ITGA5: variants seen among roughly 807,000 people sequenced by gnomAD.
ITGA5 encodes integrin alpha-5.
Under a neutral mutation model 146.3 loss-of-function variants are expected in ITGA5, and 55 were observed. That is an observed-to-expected ratio of 0.38 (90% CI 0.30 to 0.47). The LOEUF is 0.47. Ranked by LOEUF, ITGA5 falls within the 20% of genes least tolerant of loss-of-function variation. The pLI is 0.99. For missense variants in ITGA5, 1,131 were observed against 1,329.0 expected (o/e 0.85, Z 2.32); for synonymous variants, 500 against 531.8 (o/e 0.94, Z 0.82).
intron 27 of ITGA5, 117 bp downstream of exon 27, chr12:54,399,528 C>G: frequency 2.7e-6 from 2 of 727,644 alleles, no homozygotes; most frequent in Non-Finnish European, 4.9e-6. Flanking sequence ...GGAAGGGGAG[C>G]TGGAGTGCTG....
chr12:54,401,848 C>T lies in ITGA5; in HGVS notation c.2234G>A (p.Gly745Asp), dbSNP rs1453356459. The change falls in exon 22 of 30, where the codon GGT becomes GAT. Residue 745 changes from glycine (G) to aspartate (D), a missense_variant. By Grantham distance (94) the Gly-to-Asp change is moderately conservative. Coordinates refer to ENST00000293379, the MANE Select transcript of ITGA5 (RefSeq NM_002205.5). The surrounding 1 kb of genome is among the most constrained non-coding windows in gnomAD (Gnocchi z 5.0). ...ATGAGGGACTGTAAACCGAAGGCCA[C>T]CCCACAGCTGGGGACAGAAAAAGAG... ...NPMKAGASLW[G>D]GLRFTVPHLR... 1.2e-6 allele frequency: 2 copies of T among 1,614,040 alleles called. No homozygotes were observed. Among genetic ancestry groups the T allele is most frequent in the Non-Finnish European group, 1.7e-6 (2 of 1,179,918 alleles).
In ITGA5 at chr12:54,405,214, C is replaced by T; in HGVS notation, c.1177G>A (p.Gly393Ser). The change falls in exon 12 of 30, where the codon GGC (glycine) becomes AGC (serine). Residue 393 changes from glycine to serine, a missense_variant. By Grantham distance (56) the Gly-to-Ser change is moderately conservative. Around this residue, in one of 3 missense-constraint regions of ITGA5, gnomAD observed 889 missense variants for 1,021.5 expected, o/e 0.87. Transcript: ENST00000293379. ...LTGHDEFGRF[G>S]SSLTPLGDLD... ...TCCCCCAGGGGGGTCAAGGAGCTGC[C>T]AAATCGGCCAAACTCATCATGGCCA... 1 of 1,612,392 alleles carries T rather than the reference C, an allele frequency of 6.2e-7. No individual in the cohort carries two copies. Among genetic ancestry groups the T allele is most frequent in the Non-Finnish European group, 8.5e-7 (1 of 1,178,802 alleles).
chr12:54,403,247 C>A lies in ITGA5; in HGVS notation c.1854G>T (p.Val618=). 6.4e-7 allele frequency: 1 copy of A among 1,568,576 alleles called. No individual in the cohort carries two copies. The highest frequency in any genetic ancestry group is 8.6e-7 in the Non-Finnish European group (1 of 1,160,340). Reference sequence around the variant, plus strand: ...GGGCTGGCCTGAGGCCGTGGCTGTCCACTGGGGCTTGGGGGTCCAAGGAGA... The same window carrying A: ...GGGCTGGCCTGAGGCCGTGGCTGTCAACTGGGGCTTGGGGGTCCAAGGAGA... ...LNFSLDPQAP[V]DSHGLRPALH... is the part of the protein sequence containing the mutation. Residue 618 remains valine, a synonymous_variant, in exon 18 of 30, where the codon GTG becomes GTT. Coordinates refer to ENST00000293379, the MANE Select transcript of ITGA5 (RefSeq NM_002205.5). The surrounding 1 kb of genome is among the most constrained non-coding windows in gnomAD (Gnocchi z 4.9).
rs780879525 is a variant in ITGA5, at chr12:54,404,886, T to C, written c.1234A>G (p.Ile412Val). 42 of 1,574,358 alleles carry C rather than the reference T, an allele frequency of 2.7e-5. No homozygotes were observed. Among genetic ancestry groups the C allele is most frequent in the Non-Finnish European group, 3.5e-5 (41 of 1,163,600 alleles). The change falls in exon 13 of 30, where the codon ATC becomes GTC. Residue 412 changes from isoleucine to valine, a missense_variant. Coordinates refer to ENST00000293379, the MANE Select transcript of ITGA5 (RefSeq NM_002205.5). ...LDQDGYNDVA[I>V]GAPFGGETQQ... ...GTCTCCCCACCAAAGGGAGCCCCGATGGCCACATCTGGAAGACACAGAACA... is the reference window on the plus strand; with the variant it reads ...GTCTCCCCACCAAAGGGAGCCCCGACGGCCACATCTGGAAGACACAGAACA...
At chr12:54,418,370 CAG>C (rs1235816396) in intron 1 of ITGA5, among the ~76,000 whole-genome samples, 1 of 151,910 alleles carries the variant, frequency 6.6e-6, no homozygotes, top group Non-Finnish European at 1.5e-5. Context: ...GAGTAGGAGA[CAG>C]AGGAGAAAGG....
chr12:54,406,208 T>C, intron 9 of ITGA5: 1 of 508,882 alleles, frequency 2.0e-6, no homozygotes, highest in Non-Finnish European at 3.6e-6. Context: ...GTAAGATCAA[T>C]AGGGGCAGGA....
intron 6 of ITGA5, 106 bp downstream of exon 6, chr12:54,408,650 T>G: frequency 1.0e-6 from 1 of 1,002,932 alleles, no homozygotes; most frequent in African/African-American, 1.8e-5. Flanking sequence ...CGCTTGAACC[T>G]GGGCAGCAGA....
intron 6 of ITGA5, 57 bp downstream of exon 6, chr12:54,408,699 G>C (rs1332657502): frequency 6.7e-5 from 96 of 1,428,608 alleles, no homozygotes; most frequent in Non-Finnish European, 8.7e-5. Context: ...GACAGAGTGA[G>C]ACTTCGTCTC....
In ITGA5 at chr12:54,409,047, C is replaced by A. The variant is rs1217757250; in HGVS notation, c.584-93G>T. The stretch of plus-strand genomic sequence containing the variant: ...ATAGGGAAGGAGGTGGGAGAGAGAA[C>A]CAGAGAAAGGGCCTTCCTGGACCAG... On this transcript the variant is annotated intron_variant, in intron 4 of 29. Transcript: ENST00000293379. The surrounding 1 kb of genome is among the most constrained non-coding windows in gnomAD (Gnocchi z 4.7). 6.9e-7 allele frequency: 1 copy of A among 1,454,074 alleles called. No individual in the cohort carries two copies. Among genetic ancestry groups the A allele is most frequent in the African/African-American group, 1.4e-5 (1 of 71,852 alleles). The allele number at this position is 1,454,074 out of a possible 1,614,324, so 90.1% of individuals were successfully genotyped here.
intron 1 of ITGA5, 41 bp from the exon 2 acceptor site, chr12:54,412,005 G>C: frequency 1.3e-6 from 2 of 1,506,268 alleles, no homozygotes; most frequent in Non-Finnish European, 1.8e-6. Flanking sequence ...ATGGCTCCTA[G>C]CTTTTCATTG....
chr12:54,408,827 A>G, intron 5 of ITGA5, 26 bp from the exon 6 acceptor site: 1 of 1,613,934 alleles, frequency 6.2e-7, no homozygotes, highest in Non-Finnish European at 8.5e-7. Flanking sequence ...GGGGAGTCCA[A>G]CATCTGGTCC....
rs936061380 is a variant in ITGA5, at chr12:54,404,158, T to G, written c.1552A>C (p.Asn518His). The stretch of plus-strand genomic sequence containing the variant: ...GCACCAGCTCACCAGGCCACAGGGT[T>G]CCCCTCTAAGCTGCAGCTCCGCTCC... ...PEERSCSLEGNPVACINLSFC... is the reference protein window; with the variant it reads ...PEERSCSLEGHPVACINLSFC... The change falls in exon 15 of 30, where the codon AAC (asparagine) becomes CAC (histidine). Residue 518 changes from asparagine to histidine, a missense_variant. By Grantham distance (68) the Asn-to-His change is moderately conservative. Around this residue, in one of 3 missense-constraint regions of ITGA5, gnomAD observed 889 missense variants for 1,021.5 expected, o/e 0.87. Transcript: ENST00000293379. 1 of 1,587,806 alleles carries G rather than the reference T, an allele frequency of 6.3e-7. No individual in the cohort carries two copies. Among genetic ancestry groups the G allele is most frequent in the Non-Finnish European group, 8.6e-7 (1 of 1,167,088 alleles).
At chr12:54,402,413 G>T (rs1239593317) in intron 19 of ITGA5, 83 bp from the exon 20 acceptor site, 1 of 1,333,802 alleles carries the variant, frequency 7.5e-7, no homozygotes, top group South Asian at 1.3e-5. Flanking sequence ...GTAGTAATAC[G>T]AGGCCGGGTG....
intron 25 of ITGA5, chr12:54,400,538 A>G (rs1955773072): frequency 3.1e-6 from 1 of 324,816 alleles, no homozygotes. Context: ...TAAATGAACT[A>G]TAAAACAGGC....
chr12:54,396,063 A>G lies in ITGA5; in HGVS notation c.*230T>C, dbSNP rs1245739742. On this transcript the variant is annotated 3_prime_UTR_variant, in exon 30 of 30. Transcript: ENST00000293379. The stretch of plus-strand genomic sequence containing the variant: ...TCTGTCCCTGGATCTGAGTTCCCCC[A>G]TCCATGAAGAGGGTATGTGTAAACA... The G allele has an allele frequency of 4.3e-6, 2 of 460,042 alleles. No individual in the cohort carries two copies. Among genetic ancestry groups the G allele is most frequent in the East Asian group, 3.7e-5 (1 of 26,762 alleles). The allele number at this position is 460,042 out of a possible 1,614,324, so 28.5% of individuals were successfully genotyped here.
rs1206202947 is a variant in ITGA5 at position 54,414,639 on chromosome 12, G to A, written c.219-2675C>T. Among the ~76,000 whole-genome samples the A allele has an allele frequency of 2.6e-5, 4 of 151,350 alleles. No individual in the cohort carries two copies. In the East Asian group the frequency reaches 5.8e-4, roughly 22 times the overall value. ...AGACGGGCAGATCACGAGGTCAGGA[G>A]ATCGAGACCATCCTGGCTAACATGG... On this transcript the variant is annotated intron_variant, in intron 1 of 29. Transcript: ENST00000293379.
In ITGA5 at chr12:54,403,485, G is replaced by T; in HGVS notation, c.1776+140C>A. The stretch of plus-strand genomic sequence containing the variant: ...AGCCTGCTTCCCAGCTCCTCTGACA[G>T]AAGGTCTCCCTTTCTCAGCCCCTAC... On this transcript the variant is annotated intron_variant, in intron 17 of 29. Transcript: ENST00000293379. The surrounding 1 kb of genome is among the most constrained non-coding windows in gnomAD (Gnocchi z 4.9). 2 of 1,273,432 alleles carry T rather than the reference G, an allele frequency of 1.6e-6. No individual in the cohort carries two copies. Among genetic ancestry groups the T allele is most frequent in the Non-Finnish European group, 2.2e-6 (2 of 927,584 alleles). 78.9% of individuals were successfully genotyped at this position (1,273,432 alleles called of 1,614,324 possible). A position where few individuals can be genotyped will look rare whatever the true frequency, so the allele number is the denominator to read the frequency against.
Position 54,407,587 on chromosome 12 carries a change from T to G in ITGA5, c.906+62A>C. 3 of 1,414,246 alleles carry G rather than the reference T, an allele frequency of 2.1e-6. No individual in the cohort carries two copies. In the African/African-American group the frequency reaches 4.2e-5, roughly 20 times the overall value. 87.6% of individuals were successfully genotyped at this position (1,414,246 alleles called of 1,614,324 possible). A position where few individuals can be genotyped will look rare whatever the true frequency, so the allele number is the denominator to read the frequency against. ...CTTTTTGAGCCCTTGCAAACTGCCA[T>G]GCACGGTTCTTTGTGATTAGGCAGG... On this transcript the variant is annotated intron_variant, in intron 9 of 29. Transcript: ENST00000293379.
Position 54,399,712 on chromosome 12 carries a change from G to T in ITGA5, c.2774C>A (p.Pro925His), listed in dbSNP as rs748731524. ...ECFRLRCELG[P>H]LHQQESQSLQ... ...ACTTTGGCTCTCTTGTTGGTGCAGG[G>T]GCCCGAGCTCACAGCGCAGCCTGAA... The change falls in exon 27 of 30, where the codon CCC (proline) becomes CAC (histidine). Residue 925 changes from proline to histidine, a missense_variant. Pro to His is a moderately conservative substitution (Grantham distance 77, BLOSUM62 -2). This residue lies in a region of ITGA5 where 889 missense variants were observed against 1,021.5 expected (regional missense o/e 0.87). Coordinates refer to ENST00000293379, the MANE Select transcript of ITGA5 (RefSeq NM_002205.5). 9 of 1,614,176 alleles carry T rather than the reference G, an allele frequency of 5.6e-6. No homozygotes were observed. In the Admixed American group the frequency reaches 1.0e-4, roughly 18 times the overall value.
Sources: gnomAD v4.1 joint callset for allele counts (sites outside exome capture counted in the v4.1 genomes callset) on GRCh38, gnomAD v4.1.1 for gene constraint, gnomAD v4.1.1 regional missense constraint, Gnocchi (gnomAD v3.1) non-coding constraint, MANE v1.5 for transcripts, NCBI Gene and HGNC (gene_info 2026-07-23, HGNC 2026-07-21) for gene names.